EVA1C: variants seen among roughly 807,000 people sequenced by gnomAD.
The protein encoded by EVA1C is eva-1 homolog C, also known as protein eva-1 homolog C.
EVA1C carries 25 observed loss-of-function variants against 45.4 expected under a neutral mutation model. The observed-to-expected ratio is 0.55, with a 90% confidence interval of 0.40 to 0.77. The LOEUF (loss-of-function observed/expected upper bound fraction) is 0.77. Among genes scored for constraint, EVA1C ranks in the 30% least tolerant of loss-of-function variants. The probability of loss-of-function intolerance (pLI) is 0.00; values close to 1 mark genes in which losing one functional copy is unlikely to be tolerated. For missense variants in EVA1C, 479 were observed against 554.8 expected (o/e 0.86, Z 1.37); for synonymous variants, 190 against 221.2 (o/e 0.86, Z 1.25).
At position 32,464,690 on chromosome 21, in the gene EVA1C, C is replaced by T. The variant is rs535514588; in HGVS notation, c.482-3006C>T. On this transcript the variant is annotated intron_variant, in intron 3 of 7. Transcript: ENST00000300255. Reference sequence around the variant, plus strand: ...TACAAAAATTAGCCAGGCATGGTGGCGCATGCCTGTAATCCCAGCTCCTCA... The same window carrying T: ...TACAAAAATTAGCCAGGCATGGTGGTGCATGCCTGTAATCCCAGCTCCTCA... 5.1e-4 allele frequency among the ~76,000 whole-genome samples: 78 copies of T among 152,086 alleles called. 1 individual carries two copies. The highest frequency in any genetic ancestry group is 7.1e-4 in the Non-Finnish European group (48 of 67,984).
intron 7 of EVA1C, among the ~76,000 whole-genome samples, chr21:32,512,838 G>A (rs1025059403): frequency 6.6e-6 from 1 of 152,078 alleles, no homozygotes; most frequent in Admixed American, 6.6e-5. Flanking sequence ...AGGGTTTGGA[G>A]AGGACAGTGG....
intron 1 of EVA1C, among the ~76,000 whole-genome samples, chr21:32,422,757 C>T (rs941459395): frequency 1.3e-5 from 2 of 152,030 alleles, no homozygotes; most frequent in Admixed American, 6.6e-5. Context: ...GACAAATTTA[C>T]CGCTAATGAA....
intron 4 of EVA1C, among the ~76,000 whole-genome samples, chr21:32,476,390 C>G (rs2036565281): frequency 6.6e-6 from 1 of 152,034 alleles, no homozygotes; most frequent in Non-Finnish European, 1.5e-5. Context: ...GACTGGAATC[C>G]CAGCACTTTG....
intron 1 of EVA1C, among the ~76,000 whole-genome samples, chr21:32,420,402 T>G (rs145669807): frequency 8.5e-4 from 130 of 152,334 alleles, no homozygotes; most frequent in Middle Eastern, 3.4e-3. Flanking sequence ...CTTTTACTTT[T>G]GAGATAGGGT....
chr21:32,415,107 C>T lies in EVA1C; in HGVS notation c.160+2094C>T, dbSNP rs146135427. Among the ~76,000 whole-genome samples the T allele has an allele frequency of 5.9e-5, 9 of 152,258 alleles. No homozygotes were observed. The South Asian group carries it at 6.2e-4, about 11-fold the overall frequency. On this transcript the variant is annotated intron_variant, in intron 1 of 7. Coordinates refer to ENST00000300255, the MANE Select transcript of EVA1C (RefSeq NM_058187.5). Reference sequence around the variant, plus strand: ...TTGTTCGGTTCAGTGTTTCAGCTGACGCGAACCCCATGTGGCCTCAAAGCT... The same window carrying T: ...TTGTTCGGTTCAGTGTTTCAGCTGATGCGAACCCCATGTGGCCTCAAAGCT...
At chr21:32,484,136 G>A (rs1031433187) in intron 4 of EVA1C, among the ~76,000 whole-genome samples, 2 of 152,104 alleles carry the variant, frequency 1.3e-5, no homozygotes, top group Non-Finnish European at 2.9e-5. Context: ...TGAGACATGA[G>A]CTTCCTACTT....
At chr21:32,501,122 T>G (rs1162643819) in intron 5 of EVA1C, among the ~76,000 whole-genome samples, 1 of 152,170 alleles carries the variant, frequency 6.6e-6, no homozygotes, top group Non-Finnish European at 1.5e-5. Flanking sequence ...CTTCATTCCG[T>G]TTTATTATGA....
intron 1 of EVA1C, among the ~76,000 whole-genome samples, chr21:32,430,298 T>G (rs963129874): frequency 2.0e-5 from 3 of 152,062 alleles, no homozygotes; most frequent in African/African-American, 7.2e-5. Context: ...CTCCCAGAAT[T>G]TAGTCCTGTG....
At chr21:32,494,006 G>T (rs1384389150) in intron 4 of EVA1C, among the ~76,000 whole-genome samples, 1 of 151,970 alleles carries the variant, frequency 6.6e-6, no homozygotes, top group Non-Finnish European at 1.5e-5. Context: ...TGCCATGTTG[G>T]CCAGGTTGGT....
At chr21:32,478,109 T>G (rs1255329278) in intron 4 of EVA1C, among the ~76,000 whole-genome samples, 1 of 150,626 alleles carries the variant, frequency 6.6e-6, no homozygotes, top group Non-Finnish European at 1.5e-5. Flanking sequence ...AAGGCTGTTA[T>G]GAGCTAACTT....
intron 1 of EVA1C, among the ~76,000 whole-genome samples, chr21:32,445,199 C>T (rs552408184): frequency 4.6e-5 from 7 of 152,184 alleles, no homozygotes; most frequent in South Asian, 2.1e-4. Context: ...GTCACTTGTC[C>T]GGCTAAGGGA....
At chr21:32,477,625 T>A (rs1027150824) in intron 4 of EVA1C, among the ~76,000 whole-genome samples, 1 of 151,920 alleles carries the variant, frequency 6.6e-6, no homozygotes, top group East Asian at 1.9e-4. Context: ...GAGTCTCTTA[T>A]GTGTCCTTAC....
chr21:32,435,267 T>C (rs2034898270), intron 1 of EVA1C, among the ~76,000 whole-genome samples: 1 of 152,208 alleles, frequency 6.6e-6, no homozygotes, highest in Non-Finnish European at 1.5e-5. Flanking sequence ...TTGTGCAGGC[T>C]GATCTTGAAC....
At chr21:32,447,172 G>A (rs1490431452) in intron 1 of EVA1C, among the ~76,000 whole-genome samples, 2 of 152,152 alleles carry the variant, frequency 1.3e-5, no homozygotes, top group Non-Finnish European at 2.9e-5. Context: ...GGCTGAGGTG[G>A]GTGGATCACT....
At chr21:32,497,810 G>A (rs889217225) in intron 5 of EVA1C, among the ~76,000 whole-genome samples, 1 of 152,210 alleles carries the variant, frequency 6.6e-6, no homozygotes, top group Admixed American at 6.5e-5. Flanking sequence ...TGCGGATGGC[G>A]GCAGGCAAAA....
Position 32,488,587 on chromosome 21 carries a change from C to CATT in EVA1C, c.635-6440_635-6439insATT, listed in dbSNP as rs34049195. ...GGCACCTTTCCATATAGCTGTTGGC[C>CATT]TTTTTTTTTTTTTCTTGAGATGGAG... On this transcript the variant is annotated intron_variant, in intron 4 of 7. Coordinates refer to ENST00000300255, the MANE Select transcript of EVA1C (RefSeq NM_058187.5). 2.4e-3 allele frequency among the ~76,000 whole-genome samples: 351 copies of CATT among 148,096 alleles called. 1 individual carries two copies. The highest frequency in any genetic ancestry group is 7.0e-3 in the Middle Eastern group (2 of 284).
At chr21:32,428,519 A>G (rs1017912905) in intron 1 of EVA1C, 23 of 152,232 alleles carry the variant, frequency 1.5e-4, no homozygotes, top group African/African-American at 4.8e-4. Context: ...CTTCATCCTT[A>G]GAAAGGAGTC....
At chr21:32,423,070 CAAAAAAAAAAA>C (rs3056306) in intron 1 of EVA1C, among the ~76,000 whole-genome samples, 1 of 85,600 alleles carries the variant, frequency 1.2e-5, no homozygotes, top group Admixed American at 1.6e-4. Flanking sequence ...GACTCTGTCT[CAAAAAAAAAAA>C]AAAAAAAAAA....
At chr21:32,453,951 C>G (rs2035684995) in intron 2 of EVA1C, among the ~76,000 whole-genome samples, 2 of 152,202 alleles carry the variant, frequency 1.3e-5, no homozygotes, top group Non-Finnish European at 2.9e-5. Context: ...ACTCAAAGGG[C>G]TGGGCGCGGT....
Sources: allele counts gnomAD v4.1 joint callset (sites outside exome capture counted in the v4.1 genomes callset), GRCh38; gene constraint gnomAD v4.1.1; transcripts MANE v1.5; gene names NCBI Gene and HGNC (gene_info 2026-07-23, HGNC 2026-07-21).